PCNX2: variants seen among roughly 807,000 people sequenced by gnomAD.
PCNX2 encodes pecanex-like protein 2.
Under a neutral mutation model 223.8 loss-of-function variants are expected in PCNX2, and 168 were observed. That is an observed-to-expected ratio of 0.75 (90% CI 0.66 to 0.85). The LOEUF (loss-of-function observed/expected upper bound fraction) is 0.85. PCNX2 is among the 40% of genes least tolerant of loss of function. PCNX2 has a pLI of 0.00. For missense variants in PCNX2, 2,507 were observed against 2,675.5 expected, an observed-to-expected ratio of 0.94 and a Z score of 1.39; for synonymous variants, 1,006 against 1,052.6, an observed-to-expected ratio of 0.96 and a Z score of 0.86.
At chr1:233,239,575 A>C (rs1003975516) in intron 8 of PCNX2, among the ~76,000 whole-genome samples, 1 of 152,214 alleles carries the variant, frequency 6.6e-6, no homozygotes, top group African/African-American at 2.4e-5. Flanking sequence ...ATCTGTGACT[A>C]TAAGCATGTT....
chr1:232,998,269 C>T lies in PCNX2; in HGVS notation c.5773G>A (p.Glu1925Lys). ...GGAQHGVSSC[E>K]GTQRTGRRKG... Reference sequence around the variant, plus strand: ...CACCCACCTGTTCTCTGTGTCCCTTCACAGGATGACACCCCGTGCTGAGCA... The same window carrying T: ...CACCCACCTGTTCTCTGTGTCCCTTTACAGGATGACACCCCGTGCTGAGCA... Residue 1925 changes from glutamate (E) to lysine (K), a missense_variant, in exon 32 of 34, where the codon GAA becomes AAA. Coordinates refer to ENST00000258229, the MANE Select transcript of PCNX2 (RefSeq NM_014801.4). 1.3e-6 allele frequency: 2 copies of T among 1,586,080 alleles called. No homozygotes were observed. Among genetic ancestry groups the T allele is most frequent in the South Asian group, 1.2e-5 (1 of 86,770 alleles).
Position 233,000,268 on chromosome 1 carries a change from G to T in PCNX2, c.5328+37C>A, listed in dbSNP as rs371987429. 638 of 1,587,884 alleles carry T rather than the reference G, an allele frequency of 4.0e-4. 5 individuals carry two copies. In the South Asian group the frequency reaches 6.5e-3, roughly 16 times the overall value. ...TATTTCTTCTCAGATAGAGAGACACGAGCCAACAGGGGACCCAGAAAGTGT... is the reference window on the plus strand; with the variant it reads ...TATTTCTTCTCAGATAGAGAGACACTAGCCAACAGGGGACCCAGAAAGTGT... On this transcript the variant is annotated intron_variant, in intron 30 of 33. Transcript: ENST00000258229. This position sits in a 1 kb window ranked among gnomAD's most constrained non-coding sequence, Gnocchi z 4.6.
Position 233,261,946 on chromosome 1 carries a change from C to A in PCNX2, c.480+99G>T, listed in dbSNP as rs143511545. 4,179 of 1,534,776 alleles carry A rather than the reference C, an allele frequency of 2.7e-3. 10 individuals are homozygous for A. The highest frequency in any genetic ancestry group is 5.5e-3 in the Admixed American group (326 of 59,244). ...ACTGTACACGGGCCAGTGATTACAG[C>A]ATGCAAGCTACAATCACTGCTGCTG... On this transcript the variant is annotated intron_variant, in intron 3 of 33. Transcript: ENST00000258229.
At chr1:233,099,585 A>C (rs1379513219) in intron 21 of PCNX2, among the ~76,000 whole-genome samples, 1 of 152,238 alleles carries the variant, frequency 6.6e-6, no homozygotes, top group Non-Finnish European at 1.5e-5. Flanking sequence ...CAGTGTGGAG[A>C]GACATGATCC....
chr1:233,235,008 A>C (rs1658301565), intron 9 of PCNX2, among the ~76,000 whole-genome samples: 1 of 151,582 alleles, frequency 6.6e-6, no homozygotes, highest in Non-Finnish European at 1.5e-5. Flanking sequence ...CAGATCCAGC[A>C]CCTCACCCAA....
chr1:233,170,821 A>G (rs1170704649), intron 17 of PCNX2, among the ~76,000 whole-genome samples: 1 of 151,988 alleles, frequency 6.6e-6, no homozygotes, highest in Non-Finnish European at 1.5e-5. Flanking sequence ...CTCTGTTTGG[A>G]TTTGGAAGCT....
rs984439633 is a variant in PCNX2, at chr1:233,139,972, T to C, written c.3518-117A>G. The C allele has an allele frequency of 1.1e-4, 145 of 1,278,720 alleles. No individual in the cohort carries two copies. The Middle Eastern group carries it at 2.0e-3, about 17-fold the overall frequency. The allele number at this position is 1,278,720 out of a possible 1,614,324, so 79.2% of individuals were successfully genotyped here. A position where few individuals can be genotyped will look rare whatever the true frequency, so the allele number is the denominator to read the frequency against. ...AATTCAAAAGCTGCTAATTAAGAAC[T>C]CGTGATACTAGACATGATATACCAT... is the stretch of plus-strand genomic sequence containing the variant. On this transcript the variant is annotated intron_variant, in intron 19 of 33. Coordinates refer to ENST00000258229, the MANE Select transcript of PCNX2 (RefSeq NM_014801.4). This position sits in a 1 kb window ranked among gnomAD's most constrained non-coding sequence, Gnocchi z 4.4.
intron 1 of PCNX2, among the ~76,000 whole-genome samples, chr1:233,264,361 G>T (rs58051714): frequency 0.02 from 2,994 of 152,244 alleles, 97 homozygotes; most frequent in African/African-American, 0.068. Context: ...CCAGTGATCC[G>T]TGTAGCTGGT....
At chr1:233,221,396 C>T (rs536637404) in intron 10 of PCNX2, among the ~76,000 whole-genome samples, 2 of 151,760 alleles carry the variant, frequency 1.3e-5, no homozygotes, top group Admixed American at 6.6e-5. Context: ...AAAAAAAAAC[C>T]TTTTTCTGTT....
intron 21 of PCNX2, among the ~76,000 whole-genome samples, chr1:233,103,282 T>A (rs1292967008): frequency 6.6e-6 from 1 of 152,152 alleles, no homozygotes; most frequent in Non-Finnish European, 1.5e-5. Flanking sequence ...TTATAAATAA[T>A]CCAGTTATAT....
chr1:233,246,089 A>G (rs943625148), intron 8 of PCNX2, among the ~76,000 whole-genome samples: 1 of 152,240 alleles, frequency 6.6e-6, no homozygotes, highest in African/African-American at 2.4e-5. Context: ...AGCCCTTCAG[A>G]TAGGATAAAT....
At chr1:233,281,203 T>C (rs1459386746) in intron 1 of PCNX2, among the ~76,000 whole-genome samples, 1 of 152,246 alleles carries the variant, frequency 6.6e-6, no homozygotes, top group Non-Finnish European at 1.5e-5. Context: ...GGACATTTCT[T>C]ATATTCAGGA....
intron 32 of PCNX2, 54 bp downstream of exon 32, chr1:232,998,197 C>A: frequency 6.9e-7 from 1 of 1,443,424 alleles, no homozygotes; most frequent in South Asian, 1.6e-5. Context: ...GGGCATTGGT[C>A]ACTGGGACCA....
At chr1:233,250,030 A>T (rs1558390996) in intron 8 of PCNX2, among the ~76,000 whole-genome samples, 1 of 152,246 alleles carries the variant, frequency 6.6e-6, no homozygotes, top group Non-Finnish European at 1.5e-5. Flanking sequence ...ACACCGGGAA[A>T]GTCTCCCATA....
At chr1:233,028,838 CCTT>C (rs1437713984) in intron 25 of PCNX2, among the ~76,000 whole-genome samples, 2 of 143,014 alleles carry the variant, frequency 1.4e-5, no homozygotes, top group Non-Finnish European at 3.1e-5. Context: ...TCTTTCCAGT[CCTT>C]TTTTTTTTTT....
In PCNX2 at chr1:233,242,372, T is replaced by G. The variant is rs1340935475; in HGVS notation, c.2223-5392A>C. Among the ~76,000 whole-genome samples the G allele has an allele frequency of 2.6e-5, 4 of 152,216 alleles. No individual in the cohort carries two copies. The East Asian group carries it at 7.7e-4, about 29-fold the overall frequency. ...AAAAAAGTACTGCAAACAAATTTGC[T>G]ACAGAATGACTCTTCCATTCAGTAG... is the stretch of plus-strand genomic sequence containing the variant. On this transcript the variant is annotated intron_variant, in intron 8 of 33. Transcript: ENST00000258229.
intron 32 of PCNX2, among the ~76,000 whole-genome samples, chr1:232,987,303 A>C (rs1669530546): frequency 6.6e-6 from 1 of 152,256 alleles, no homozygotes; most frequent in East Asian, 1.9e-4. Context: ...TGGAAGCAGG[A>C]TAACTTCATG....
intron 13 of PCNX2, among the ~76,000 whole-genome samples, chr1:233,202,794 C>T (rs1203151890): frequency 6.6e-6 from 1 of 152,092 alleles, no homozygotes; most frequent in Non-Finnish European, 1.5e-5. Context: ...ATAAAACTCC[C>T]AGGTCTGAAA....
At chr1:233,118,346 T>C (rs1195194389) in intron 21 of PCNX2, among the ~76,000 whole-genome samples, 1 of 152,074 alleles carries the variant, frequency 6.6e-6, no homozygotes, top group Non-Finnish European at 1.5e-5. Context: ...CTCACCACTC[T>C]TATCTGACAT....
Sources: allele counts gnomAD v4.1 joint callset (sites outside exome capture counted in the v4.1 genomes callset), GRCh38; gene constraint gnomAD v4.1.1; non-coding constraint Gnocchi (gnomAD v3.1); transcripts MANE v1.5; gene names NCBI Gene and HGNC (gene_info 2026-07-23, HGNC 2026-07-21).